TGM3: variants seen among roughly 807,000 people sequenced by gnomAD.
TGM3 encodes the protein transglutaminase 3.
A neutral mutation model predicts 73.8 loss-of-function variants in TGM3; 52 were observed. That is an observed-to-expected ratio of 0.70 (90% CI 0.56 to 0.89). The LOEUF is 0.89. TGM3 is among the 40% of genes least tolerant of loss of function. The probability of loss-of-function intolerance (pLI) is 0.00; values close to 1 mark genes in which losing one functional copy is unlikely to be tolerated. For missense variants in TGM3, 928 were observed against 909.9 expected (o/e 1.02, Z -0.26); for synonymous variants, 372 against 354.9 (o/e 1.05, Z -0.54).
rs768033144 is a variant in TGM3, at chr20:2,310,264, G to A, written c.268G>A (p.Ala90Thr). Residue 90 changes from alanine to threonine, a missense_variant, in exon 3 of 13, where the codon GCC becomes ACC. Physicochemically the swap from Ala to Thr is moderately conservative, Grantham distance 58. Coordinates refer to ENST00000381458, the MANE Select transcript of TGM3 (RefSeq NM_003245.4). Reference sequence around the variant, plus strand: ...TGGTGGCTGGAGTGCGGTGCTTCAGGCCAGCAATGGCAATACTCTGACTAT... The same window carrying A: ...TGGTGGCTGGAGTGCGGTGCTTCAGACCAGCAATGGCAATACTCTGACTAT... ...SSGGWSAVLQASNGNTLTISI... is the reference protein window; with the variant it reads ...SSGGWSAVLQTSNGNTLTISI... The A allele has an allele frequency of 3.1e-6, 5 of 1,614,090 alleles. No homozygotes were observed. The African/African-American group carries it at 5.3e-5, about 17-fold the overall frequency.
chr20:2,339,435 G>A lies in TGM3; in HGVS notation c.1801-419G>A, dbSNP rs577106959. ...GAAGATCACTTGAGGCCAGGAGTTC[G>A]AGGCCAGCCTGGGCAACACAGCAAG... is the stretch of plus-strand genomic sequence containing the variant. On this transcript the variant is annotated intron_variant, in intron 11 of 12. Transcript: ENST00000381458. Among the ~76,000 whole-genome samples the A allele has an allele frequency of 4.6e-5, 7 of 152,292 alleles. No homozygotes were observed. The South Asian group carries it at 1.5e-3, about 32-fold the overall frequency.
chr20:2,310,990 T>A, intron 3 of TGM3, 21 bp from the exon 4 acceptor site: 1 of 1,603,040 alleles, frequency 6.2e-7, no homozygotes, highest in Non-Finnish European at 8.5e-7. Context: ...GTCGCTGGTG[T>A]CTGCTTTTTG....
intron 11 of TGM3, among the ~76,000 whole-genome samples, chr20:2,337,844 C>T (rs2084359550): frequency 1.3e-5 from 2 of 152,186 alleles, no homozygotes; most frequent in South Asian, 4.1e-4. Context: ...TCCAGATTTC[C>T]ATGGCAAGTC....
intron 1 of TGM3, among the ~76,000 whole-genome samples, chr20:2,308,725 G>T (rs775883398): frequency 5.3e-5 from 8 of 152,196 alleles, no homozygotes; most frequent in African/African-American, 7.2e-5. Context: ...CAATACCGAG[G>T]CATTGCAAAT....
intron 7 of TGM3, 139 bp downstream of exon 7, chr20:2,317,624 C>T (rs2084241792): frequency 4.2e-6 from 5 of 1,196,764 alleles, no homozygotes; most frequent in South Asian, 1.4e-5. Flanking sequence ...AATGGAACTG[C>T]TGGCAATGCT....
At position 2,312,920 on chromosome 20, in the gene TGM3, TC is replaced by T; in HGVS notation, c.564del (p.Cys189AlafsTer9). 1 of 1,614,206 alleles carries T rather than the reference TC, an allele frequency of 6.2e-7. No homozygotes were observed. The highest frequency in any genetic ancestry group is 8.5e-7 in the Non-Finnish European group (1 of 1,180,034). ...FGQFEEDILS[I>X]CLSILDRSLN... The stretch of plus-strand genomic sequence containing the variant: ...CAGTTTGAAGAAGACATTCTCAGCA[TC>T]TGCCTCTCAATCTTGGATAGGAGTC... On this transcript the variant is annotated frameshift_variant, in exon 5 of 13. Transcript: ENST00000381458. LOFTEE classifies it high-confidence loss of function.
chr20:2,310,274 G>A lies in TGM3; in HGVS notation c.278G>A (p.Gly93Asp), dbSNP rs544584169. The change falls in exon 3 of 13, where the codon GGC becomes GAC. Residue 93 changes from glycine to aspartate, a missense_variant. Gly to Asp is a moderately conservative substitution (Grantham distance 94). Transcript: ENST00000381458. ...AGTGCGGTGCTTCAGGCCAGCAATG[G>A]CAATACTCTGACTATCAGCATCTCC... ...GWSAVLQASN[G>D]NTLTISISSP... 183 of 1,614,186 alleles carry A rather than the reference G, an allele frequency of 1.1e-4. 2 individuals carry two copies. In the South Asian group the frequency reaches 1.9e-3, roughly 17 times the overall value.
intron 3 of TGM3, 80 bp from the exon 4 acceptor site, chr20:2,310,931 G>C: frequency 7.7e-7 from 1 of 1,302,036 alleles, no homozygotes; most frequent in Non-Finnish European, 1.1e-6. Context: ...GGCCGGTTCA[G>C]GAGTGGGAGG....
At chr20:2,316,960 T>G in intron 5 of TGM3, 108 bp from the exon 6 acceptor site, 1 of 1,303,620 alleles carries the variant, frequency 7.7e-7, no homozygotes, top group Non-Finnish European at 1.1e-6. Flanking sequence ...AATCATGGCC[T>G]TTGGCTTCCT....
intron 7 of TGM3, among the ~76,000 whole-genome samples, chr20:2,320,916 T>C (rs1439548915): frequency 6.6e-6 from 1 of 152,202 alleles, no homozygotes; most frequent in Non-Finnish European, 1.5e-5. Context: ...ACTCTACCTG[T>C]AGACTTTGCA....
rs1409192618 is a variant in TGM3, at chr20:2,328,752, C to T, written c.1333+387C>T. Among the ~76,000 whole-genome samples, 1 of 152,222 alleles carries T rather than the reference C, an allele frequency of 6.6e-6. No individual in the cohort carries two copies. Among genetic ancestry groups the T allele is most frequent in the African/African-American group, 2.4e-5 (1 of 41,454 alleles). ...TTTCTCCATCAGTCTGCTCCCTTAG[C>T]CTCTGAGAAACTCAGGGAGAAAACC... On this transcript the variant is annotated intron_variant, in intron 9 of 12. Transcript: ENST00000381458. This position sits in a 1 kb window ranked among gnomAD's most constrained non-coding sequence, Gnocchi z 5.2.
At position 2,327,875 on chromosome 20, in the gene TGM3, G is replaced by A. The variant is rs147965303; in HGVS notation, c.1088-245G>A. ...CAGACCAAGGACAGTGGGTCAGCAT[G>A]GATTAGGCGCCCGGAATGCGGAATT... On this transcript the variant is annotated intron_variant, in intron 8 of 12. Transcript: ENST00000381458. Among the ~76,000 whole-genome samples the A allele has an allele frequency of 3.7e-3, 569 of 152,306 alleles. 4 individuals are homozygous for A. The highest frequency in any genetic ancestry group is 0.017 in the Middle Eastern group (5 of 294).
intron 5 of TGM3, among the ~76,000 whole-genome samples, chr20:2,315,762 C>T (rs2084230097): frequency 6.6e-6 from 1 of 152,160 alleles, no homozygotes. Context: ...AATTCCCTTC[C>T]CTATTGGAAG....
At chr20:2,317,943 C>CGT (rs2084244146) in intron 7 of TGM3, among the ~76,000 whole-genome samples, 1 of 36,192 alleles carries the variant, frequency 2.8e-5, no homozygotes, top group Non-Finnish European at 1.0e-4. Flanking sequence ...ATATATATAT[C>CGT]ATATATATAT....
At chr20:2,314,064 G>T (rs2084221145) in intron 5 of TGM3, among the ~76,000 whole-genome samples, 1 of 152,126 alleles carries the variant, frequency 6.6e-6, no homozygotes, top group South Asian at 2.1e-4. Flanking sequence ...CAGCTACTTG[G>T]GAGACTGAGG....
At chr20:2,339,763 C>G in intron 11 of TGM3, 91 bp from the exon 12 acceptor site, 3 of 1,561,332 alleles carry the variant, frequency 1.9e-6, no homozygotes, top group Non-Finnish European at 1.7e-6. Context: ...ACATCACCCC[C>G]TTCACTCAGT....
intron 5 of TGM3, among the ~76,000 whole-genome samples, chr20:2,314,490 G>A (rs1263008988): frequency 6.6e-6 from 1 of 151,776 alleles, no homozygotes; most frequent in Non-Finnish European, 1.5e-5. Context: ...CCAGGAGTGT[G>A]AGACCAGCCT....
intron 1 of TGM3, 144 bp from the exon 2 acceptor site, chr20:2,309,513 G>T: frequency 1.3e-6 from 1 of 773,750 alleles, no homozygotes; most frequent in Non-Finnish European, 2.1e-6. Context: ...CAAGGTCTTT[G>T]GATTTTAATG....
intron 7 of TGM3, among the ~76,000 whole-genome samples, chr20:2,322,599 C>G (rs1448700214): frequency 6.6e-6 from 1 of 152,162 alleles, no homozygotes; most frequent in Non-Finnish European, 1.5e-5. Context: ...CCTTTTTTAA[C>G]CCCAGCTGCC....
Sources: gnomAD v4.1 joint callset for allele counts (sites outside exome capture counted in the v4.1 genomes callset) on GRCh38, gnomAD v4.1.1 for gene constraint, Gnocchi (gnomAD v3.1) non-coding constraint, MANE v1.5 for transcripts, NCBI Gene and HGNC (gene_info 2026-07-23, HGNC 2026-07-21) for gene names.